SOX5: variants seen among roughly 807,000 people sequenced by gnomAD.
The protein encoded by SOX5 is transcription factor SOX-5.
SOX5 carries 9 observed loss-of-function variants against 92.0 expected under a neutral mutation model. The observed-to-expected ratio is 0.10, with a 90% CI of 0.06 to 0.17. The LOEUF is 0.17. Among genes scored for constraint, SOX5 ranks in the 10% least tolerant of loss-of-function variants. The pLI is 1.00. For synonymous variants in SOX5, 344 were observed against 336.3 expected, an observed-to-expected ratio of 1.02 and a Z score of -0.25; for missense variants, 642 against 944.5, an observed-to-expected ratio of 0.68 and a Z score of 4.20.
intron 4 of SOX5, among the ~76,000 whole-genome samples, chr12:24,049,376 T>A (rs1390755700): frequency 6.6e-6 from 1 of 152,210 alleles, no homozygotes; most frequent in Non-Finnish European, 1.5e-5. Context: ...ACATTTCCTA[T>A]CTAAACTGAC....
intron 6 of SOX5, among the ~76,000 whole-genome samples, chr12:23,728,565 T>C (rs192869533): frequency 1.3e-5 from 2 of 152,316 alleles, no homozygotes; most frequent in Non-Finnish European, 2.9e-5. Context: ...GATTTCCTTC[T>C]GCGTAATAAT....
intron 1 of SOX5, among the ~76,000 whole-genome samples, chr12:24,484,137 C>T (rs1199150315): frequency 6.6e-6 from 1 of 152,162 alleles, no homozygotes; most frequent in Admixed American, 6.6e-5. Flanking sequence ...TATCATGTCT[C>T]TTACCATAGT....
At chr12:23,534,629 A>C in intron 14 of SOX5, 107 bp from the exon 15 acceptor site, 1 of 767,958 alleles carries the variant, frequency 1.3e-6, no homozygotes, top group Non-Finnish European at 2.0e-6. Flanking sequence ...CTAAGGTACT[A>C]ATTTTATCTA....
chr12:23,542,289 T>A (rs529750997), intron 13 of SOX5, among the ~76,000 whole-genome samples: 1 of 152,358 alleles, frequency 6.6e-6, no homozygotes, highest in South Asian at 2.1e-4. Flanking sequence ...GATAAAATGT[T>A]TCTATTCTAT....
rs558446588 is a variant in SOX5 at position 24,452,746 on chromosome 12, G to A, written c.-250-84107C>T. ...AGAATCCAAGGATAAAGGAATTTAT[G>A]CCCTCCCAATTAACCTTACCAAGGA... is the stretch of plus-strand genomic sequence containing the variant. On this transcript the variant is annotated intron_variant, in intron 1 of 4. Transcript: ENST00000446891. Among the ~76,000 whole-genome samples the A allele has an allele frequency of 3.4e-4, 52 of 152,276 alleles. 1 individual carries two copies. The South Asian group carries it at 0.011, about 31-fold the overall frequency.
At chr12:24,082,740 T>A (rs928750717) in intron 4 of SOX5, among the ~76,000 whole-genome samples, 7 of 151,864 alleles carry the variant, frequency 4.6e-5, no homozygotes, top group Non-Finnish European at 1.0e-4. Context: ...TACTGTTTGA[T>A]CTTTTTTTTT....
chr12:23,571,567 A>T (rs1948389396), intron 10 of SOX5, among the ~76,000 whole-genome samples: 1 of 152,180 alleles, frequency 6.6e-6, no homozygotes. Flanking sequence ...GGCCGAGAAG[A>T]GCATCTAATG....
At chr12:24,344,616 C>T (rs1005219054) in intron 2 of SOX5, among the ~76,000 whole-genome samples, 2 of 152,134 alleles carry the variant, frequency 1.3e-5, no homozygotes, top group Non-Finnish European at 2.9e-5. Context: ...CTATCGTTCT[C>T]ACCAGTGATG....
intron 3 of SOX5, among the ~76,000 whole-genome samples, chr12:23,827,469 G>C (rs2096251445): frequency 6.6e-6 from 1 of 152,134 alleles, no homozygotes; most frequent in Non-Finnish European, 1.5e-5. Flanking sequence ...ACCAAGAATA[G>C]CACACAGTAA....
intron 3 of SOX5, among the ~76,000 whole-genome samples, chr12:23,759,020 CACACACACAG>C (rs1186931252): frequency 2.2e-3 from 166 of 74,640 alleles, no homozygotes; most frequent in African/African-American, 6.5e-3. Flanking sequence ...AACACACACA[CACACACACAG>C]ACACACACAC....
At chr12:23,936,964 C>T (rs1942706896) in intron 1 of SOX5, among the ~76,000 whole-genome samples, 1 of 150,712 alleles carries the variant, frequency 6.6e-6, no homozygotes, top group Admixed American at 6.6e-5. Flanking sequence ...TAGTAGCTAC[C>T]ATATTAGAAA....
chr12:24,504,722 T>C (rs1948553045), intron 1 of SOX5, among the ~76,000 whole-genome samples: 1 of 152,198 alleles, frequency 6.6e-6, no homozygotes, highest in African/African-American at 2.4e-5. Context: ...GATATAAACC[T>C]TAATTCTAGT....
chr12:24,301,007 C>T (rs1168882978), intron 2 of SOX5, among the ~76,000 whole-genome samples: 6 of 152,130 alleles, frequency 3.9e-5, no homozygotes, highest in South Asian at 2.1e-4. Context: ...TTAGGAATAA[C>T]GAGAATTCGA....
At chr12:23,851,258 A>G (rs2096630557) in intron 2 of SOX5, among the ~76,000 whole-genome samples, 1 of 152,180 alleles carries the variant, frequency 6.6e-6, no homozygotes, top group African/African-American at 2.4e-5. Flanking sequence ...TTGTTTTCTT[A>G]TTCAGCAATC....
intron 2 of SOX5, among the ~76,000 whole-genome samples, chr12:24,312,083 A>G (rs1179179871): frequency 1.3e-5 from 2 of 152,380 alleles, no homozygotes; most frequent in Middle Eastern, 3.4e-3. Context: ...AGAATAAAAC[A>G]TAACTTCTTT....
At chr12:23,966,350 T>C (rs1180785550) in intron 4 of SOX5, among the ~76,000 whole-genome samples, 1 of 151,808 alleles carries the variant, frequency 6.6e-6, no homozygotes, top group Non-Finnish European at 1.5e-5. Flanking sequence ...TTTTGTTCAG[T>C]AACTGTCATC....
intron 4 of SOX5, among the ~76,000 whole-genome samples, chr12:24,176,139 C>T (rs879883658): frequency 1.3e-5 from 2 of 151,936 alleles, no homozygotes; most frequent in Non-Finnish European, 2.9e-5. Flanking sequence ...AAGACTAGCC[C>T]GGGCAGCATG....
intron 4 of SOX5, among the ~76,000 whole-genome samples, chr12:24,059,870 T>C (rs566790554): frequency 1.3e-3 from 200 of 152,338 alleles, no homozygotes; most frequent in African/African-American, 4.6e-3. Flanking sequence ...AAAGACATGG[T>C]TCCCTTTCTT....
chr12:24,425,549 G>A (rs1190055216), intron 1 of SOX5, among the ~76,000 whole-genome samples: 4 of 152,134 alleles, frequency 2.6e-5, no homozygotes, highest in African/African-American at 9.7e-5. Flanking sequence ...ATGAATTTTG[G>A]GGGGTACTGA....
Sources: allele counts gnomAD v4.1 joint callset (sites outside exome capture counted in the v4.1 genomes callset), GRCh38; gene constraint gnomAD v4.1.1; transcripts MANE v1.5; gene names NCBI Gene and HGNC (gene_info 2026-07-23, HGNC 2026-07-21).